Variants in CNTNAP5 observed in about 807,000 individuals in gnomAD.
CNTNAP5 encodes contactin-associated protein-like 5.
CNTNAP5 carries 72 observed loss-of-function variants against 150.2 expected under a neutral mutation model. That is an observed-to-expected ratio of 0.48 (90% CI 0.40 to 0.58). CNTNAP5 has a LOEUF of 0.58. Among genes scored for constraint, CNTNAP5 ranks in the 20% least tolerant of loss-of-function variants. CNTNAP5 has a pLI of 0.00. For synonymous variants in CNTNAP5, 672 were observed against 619.8 expected (o/e 1.08, Z -1.25); for missense variants, 1,636 against 1,626.2 (o/e 1.01, Z -0.10).
intron 1 of CNTNAP5, among the ~76,000 whole-genome samples, chr2:124,037,023 C>G (rs756971560): frequency 9.2e-5 from 14 of 152,178 alleles, no homozygotes; most frequent in Non-Finnish European, 1.9e-4. Context: ...GTGAGAAAAC[C>G]CTCATGTGTC....
chr2:124,734,186 C>G (rs1456598200), intron 13 of CNTNAP5, among the ~76,000 whole-genome samples: 1 of 151,984 alleles, frequency 6.6e-6, no homozygotes, highest in Non-Finnish European at 1.5e-5. Context: ...TCTCCAAAGT[C>G]CTGGTCTGCT....
intron 13 of CNTNAP5, among the ~76,000 whole-genome samples, chr2:124,740,848 G>T (rs1378836247): frequency 6.6e-6 from 1 of 152,074 alleles, no homozygotes; most frequent in Non-Finnish European, 1.5e-5. Flanking sequence ...ACCTGCTGGG[G>T]CATGTTCCCA....
intron 13 of CNTNAP5, among the ~76,000 whole-genome samples, chr2:124,663,868 A>G (rs1009413114): frequency 2.6e-5 from 4 of 152,190 alleles, no homozygotes; most frequent in Non-Finnish European, 4.4e-5. Context: ...AGACAGGGAT[A>G]TGGTGGCAAT....
chr2:124,773,909 CGTGTGTGTGTGTGTGT>C (rs55795835), intron 17 of CNTNAP5, among the ~76,000 whole-genome samples: 16 of 132,018 alleles, frequency 1.2e-4, no homozygotes, highest in African/African-American at 2.3e-4. Context: ...TAAGGGAGTG[CGTGTGTGTGTGTGTGT>C]GTGTGTGTGT....
At position 124,549,361 on chromosome 2, in the gene CNTNAP5, A is replaced by T. The variant is rs1182864349; in HGVS notation, c.1650-13856A>T. ...ATAACCTGTGTCCTTTTTGGCTTGCACTATATGAGTAGTTTTCATTTTTAC... is the reference window on the plus strand; with the variant it reads ...ATAACCTGTGTCCTTTTTGGCTTGCTCTATATGAGTAGTTTTCATTTTTAC... On this transcript the variant is annotated intron_variant, in intron 10 of 23. Coordinates refer to ENST00000682447, the MANE Select transcript of CNTNAP5 (RefSeq NM_001367498.1). 5.9e-5 allele frequency among the ~76,000 whole-genome samples: 9 copies of T among 152,314 alleles called. No homozygotes were observed. The East Asian group carries it at 1.4e-3, about 23-fold the overall frequency.
chr2:124,676,795 G>C (rs1678948825), intron 13 of CNTNAP5, among the ~76,000 whole-genome samples: 1 of 152,178 alleles, frequency 6.6e-6, no homozygotes, highest in Admixed American at 6.5e-5. Context: ...CTGAGATTCA[G>C]CTATTTTTAT....
intron 12 of CNTNAP5, among the ~76,000 whole-genome samples, chr2:124,626,825 C>A (rs1389284014): frequency 6.6e-6 from 1 of 152,094 alleles, no homozygotes; most frequent in Non-Finnish European, 1.5e-5. Context: ...TCCCCGCTGC[C>A]AGCACAGCAG....
chr2:124,168,442 A>G (rs1529304), intron 1 of CNTNAP5, among the ~76,000 whole-genome samples: 147,500 of 152,282 alleles, frequency 0.97, 71,610 homozygotes, highest in South Asian at 1. Context: ...ATGTCCCTTC[A>G]CCCAAATGAC....
Position 124,025,478 on chromosome 2 carries a change from G to A in CNTNAP5, c.-173G>A, listed in dbSNP as rs1680855035. 1.5e-5 allele frequency: 9 copies of A among 617,540 alleles called. No homozygotes were observed. The South Asian group carries it at 1.7e-4, about 11-fold the overall frequency. 38.3% of individuals were successfully genotyped at this position (617,540 alleles called of 1,614,324 possible). ...CAGCTGCAGCTCCGAAGAATCCCCC[G>A]CCACGGTTTCGGTGGAGCGTCTGGG... On this transcript the variant is annotated 5_prime_UTR_variant, in exon 1 of 24. Transcript: ENST00000682447.
intron 19 of CNTNAP5, among the ~76,000 whole-genome samples, chr2:124,804,470 C>T (rs1401948406): frequency 6.6e-6 from 1 of 152,132 alleles, no homozygotes; most frequent in Non-Finnish European, 1.5e-5. Flanking sequence ...GTGAACCACC[C>T]CCTTCCCAAA....
chr2:124,668,287 T>C (rs1473877852), intron 13 of CNTNAP5, among the ~76,000 whole-genome samples: 1 of 152,220 alleles, frequency 6.6e-6, no homozygotes, highest in Non-Finnish European at 1.5e-5. Flanking sequence ...CACTAGGTTA[T>C]GGATCTCCTT....
intron 3 of CNTNAP5, among the ~76,000 whole-genome samples, chr2:124,363,493 T>A (rs1237564105): frequency 1.3e-5 from 2 of 152,206 alleles, no homozygotes; most frequent in East Asian, 1.9e-4. Flanking sequence ...ATTCTTCCAA[T>A]AGTTCCCAAA....
At chr2:124,133,293 C>A (rs1457913542) in intron 1 of CNTNAP5, among the ~76,000 whole-genome samples, 2 of 151,944 alleles carry the variant, frequency 1.3e-5, no homozygotes, top group Non-Finnish European at 2.9e-5. Context: ...GCCCTTTGGT[C>A]CTTAAAAAAA....
chr2:124,695,113 C>T (rs565765086), intron 13 of CNTNAP5, among the ~76,000 whole-genome samples: 14 of 152,014 alleles, frequency 9.2e-5, no homozygotes, highest in South Asian at 8.3e-4. Context: ...TCCAGAGAAT[C>T]GATAAAACAA....
chr2:124,064,854 G>A (rs1020393699), intron 1 of CNTNAP5, among the ~76,000 whole-genome samples: 2 of 152,062 alleles, frequency 1.3e-5, no homozygotes, highest in Non-Finnish European at 2.9e-5. Context: ...ATGTCAGTCT[G>A]ATTCCTATCA....
chr2:124,338,826 T>A (rs941282706), intron 3 of CNTNAP5, among the ~76,000 whole-genome samples: 24 of 152,132 alleles, frequency 1.6e-4, no homozygotes, highest in Non-Finnish European at 2.8e-4. Context: ...AGTGCCATAC[T>A]TTGGGATATT....
At chr2:124,904,065 C>CAA (rs139680306) in intron 22 of CNTNAP5, among the ~76,000 whole-genome samples, 1 of 123,970 alleles carries the variant, frequency 8.1e-6, no homozygotes, top group Non-Finnish European at 1.6e-5. Flanking sequence ...AAAAAAAAAA[C>CAA]AAAAAAAAAA....
At chr2:124,733,893 C>G (rs1680327976) in intron 13 of CNTNAP5, among the ~76,000 whole-genome samples, 1 of 152,070 alleles carries the variant, frequency 6.6e-6, no homozygotes, top group Non-Finnish European at 1.5e-5. Context: ...ACGACATGCA[C>G]AGGCTTTGCT....
chr2:124,836,784 T>C (rs145220159), intron 19 of CNTNAP5, among the ~76,000 whole-genome samples: 41 of 152,250 alleles, frequency 2.7e-4, no homozygotes, highest in African/African-American at 9.1e-4. Flanking sequence ...ATAAATATGC[T>C]CTTGCCCAGA....
Sources: allele counts gnomAD v4.1 joint callset (sites outside exome capture counted in the v4.1 genomes callset), GRCh38; gene constraint gnomAD v4.1.1; transcripts MANE v1.5; gene names NCBI Gene and HGNC (gene_info 2026-07-23, HGNC 2026-07-21).